The following ATP9B variants were observed in gnomAD, a reference collection of about 807,000 sequenced individuals.
The protein encoded by ATP9B is probable phospholipid-transporting ATPase IIB.
ATP9B carries 110 observed loss-of-function variants against 146.1 expected under a neutral mutation model. The ratio of observed to expected loss-of-function variants is 0.75; its 90% CI spans 0.65 to 0.88. ATP9B has a LOEUF of 0.88. ATP9B is among the 40% of genes least tolerant of loss of function. The pLI is 0.00. For missense variants in ATP9B, 1,499 were observed against 1,496.4 expected, an observed-to-expected ratio of 1.00 and a Z score of -0.03; for synonymous variants, 604 against 569.7, an observed-to-expected ratio of 1.06 and a Z score of -0.86.
chr18:79,239,127 G>A lies in ATP9B; in HGVS notation c.1108-14254G>A, dbSNP rs1012220196. 2.0e-5 allele frequency among the ~76,000 whole-genome samples: 3 copies of A among 152,090 alleles called. No individual in the cohort carries two copies. Among genetic ancestry groups the A allele is most frequent in the African/African-American group, 4.8e-5 (2 of 41,434 alleles). ...GGGTCAACTGGGAAGGAAGGATGGC[G>A]TCTCAGGCAGAGAACAGATGTGCCC... On this transcript the variant is annotated intron_variant, in intron 11 of 29. Transcript: ENST00000426216. The surrounding 1 kb of genome is among the most constrained non-coding windows in gnomAD (Gnocchi z 5.1).
chr18:79,259,221 T>A (rs183665461), intron 12 of ATP9B, among the ~76,000 whole-genome samples: 36 of 152,344 alleles, frequency 2.4e-4, no homozygotes, highest in African/African-American at 7.7e-4. Context: ...AATTCATATA[T>A]GTTCCCTAAA....
chr18:79,308,011 AG>A (rs1231529412), intron 15 of ATP9B, among the ~76,000 whole-genome samples: 2 of 152,168 alleles, frequency 1.3e-5, no homozygotes, highest in African/African-American at 4.8e-5. Context: ...GAAAACAAAA[AG>A]AAAAAAATCA....
At chr18:79,162,359 A>G (rs2147759895) in intron 7 of ATP9B, among the ~76,000 whole-genome samples, 1 of 152,342 alleles carries the variant, frequency 6.6e-6, no homozygotes, top group Non-Finnish European at 1.5e-5. Flanking sequence ...CTGATGGCTT[A>G]AATTCCAATT....
At chr18:79,135,123 C>G (rs1170892826) in intron 5 of ATP9B, among the ~76,000 whole-genome samples, 1 of 152,158 alleles carries the variant, frequency 6.6e-6, no homozygotes, top group Admixed American at 6.5e-5. Context: ...GGTTTGTTGT[C>G]CAAGGACTCA....
intron 7 of ATP9B, among the ~76,000 whole-genome samples, chr18:79,157,516 G>C (rs1179450898): frequency 6.6e-6 from 1 of 151,292 alleles, no homozygotes; most frequent in Non-Finnish European, 1.5e-5. Flanking sequence ...AATGAGTTAA[G>C]AAGTGTTCTT....
At chr18:79,294,687 A>G (rs540171064) in intron 13 of ATP9B, among the ~76,000 whole-genome samples, 2 of 152,368 alleles carry the variant, frequency 1.3e-5, no homozygotes, top group African/African-American at 4.8e-5. Flanking sequence ...ACTTCTGTTT[A>G]ACATGGAGGA....
chr18:79,162,875 C>G (rs1394235590), intron 7 of ATP9B, among the ~76,000 whole-genome samples: 1 of 152,136 alleles, frequency 6.6e-6, no homozygotes, highest in African/African-American at 2.4e-5. Context: ...ATGACAGACT[C>G]GTGCTCCGAC....
chr18:79,262,717 A>G (rs1310197205), intron 12 of ATP9B, among the ~76,000 whole-genome samples: 3 of 152,226 alleles, frequency 2.0e-5, no homozygotes, highest in Non-Finnish European at 2.9e-5. Flanking sequence ...CAGGGATTCC[A>G]TACATGAACC....
intron 19 of ATP9B, among the ~76,000 whole-genome samples, chr18:79,339,439 C>T (rs1475704718): frequency 6.7e-6 from 1 of 149,632 alleles, no homozygotes; most frequent in South Asian, 2.1e-4. Context: ...AGTATGTCAT[C>T]GCAGTAGGAA....
At chr18:79,159,633 T>G (rs1253733581) in intron 7 of ATP9B, among the ~76,000 whole-genome samples, 1 of 152,150 alleles carries the variant, frequency 6.6e-6, no homozygotes, top group Non-Finnish European at 1.5e-5. Context: ...CTCCATTGCC[T>G]TCTTCCTATA....
chr18:79,196,070 A>T (rs931085453), intron 9 of ATP9B, among the ~76,000 whole-genome samples: 2 of 152,214 alleles, frequency 1.3e-5, no homozygotes, highest in African/African-American at 4.8e-5. Context: ...TGGGAAAATG[A>T]CCAGCTCCCC....
At chr18:79,098,297 A>AAT (rs2074979988) in intron 2 of ATP9B, among the ~76,000 whole-genome samples, 1 of 150,500 alleles carries the variant, frequency 6.6e-6, no homozygotes, top group African/African-American at 2.5e-5. Flanking sequence ...AAACCTAGGC[A>AAT]TTACCATTCA....
chr18:79,269,814 A>G (rs1292912227), intron 12 of ATP9B, among the ~76,000 whole-genome samples: 1 of 152,226 alleles, frequency 6.6e-6, no homozygotes, highest in African/African-American at 2.4e-5. Context: ...GTGTTCAGGA[A>G]ATGTGAACCT....
At chr18:79,228,163 A>G (rs1209252852) in intron 11 of ATP9B, among the ~76,000 whole-genome samples, 9 of 152,214 alleles carry the variant, frequency 5.9e-5, no homozygotes, top group Admixed American at 5.9e-4. Context: ...GCTTTAATTG[A>G]TTTAAGAGAA....
chr18:79,153,938 A>G (rs560257829), intron 6 of ATP9B, among the ~76,000 whole-genome samples: 1 of 146,608 alleles, frequency 6.8e-6, no homozygotes, highest in Admixed American at 6.8e-5. Context: ...GTGAGCCACC[A>G]TGGCTGGCTG....
chr18:79,169,942 C>T (rs761356455), intron 7 of ATP9B, among the ~76,000 whole-genome samples: 1 of 152,174 alleles, frequency 6.6e-6, no homozygotes, highest in Non-Finnish European at 1.5e-5. Context: ...TTACGACTTC[C>T]AGCAAAGTTA....
At chr18:79,332,991 G>A (rs1269448278) in intron 17 of ATP9B, 1 of 152,172 alleles carries the variant, frequency 6.6e-6, no homozygotes, top group Non-Finnish European at 1.5e-5. Flanking sequence ...AAAAGAAATT[G>A]CAAATAATAT....
At chr18:79,131,084 C>G (rs1041291992) in intron 5 of ATP9B, among the ~76,000 whole-genome samples, 6 of 152,142 alleles carry the variant, frequency 3.9e-5, no homozygotes, top group African/African-American at 1.4e-4. Context: ...TCGCTTGAAC[C>G]TGGGAGGCAG....
intron 8 of ATP9B, among the ~76,000 whole-genome samples, chr18:79,177,310 A>T (rs1270307993): frequency 6.6e-6 from 1 of 151,990 alleles, no homozygotes; most frequent in Non-Finnish European, 1.5e-5. Flanking sequence ...ATCATAGCTC[A>T]CTGCAGCCTC....
Sources: allele counts gnomAD v4.1 joint callset (sites outside exome capture counted in the v4.1 genomes callset), GRCh38; gene constraint gnomAD v4.1.1; non-coding constraint Gnocchi (gnomAD v3.1); transcripts MANE v1.5; gene names NCBI Gene and HGNC (gene_info 2026-07-23, HGNC 2026-07-21).